Variants in DMD observed in about 807,000 individuals in gnomAD.
DMD encodes the protein mutant dystrophin.
DMD carries 63 observed loss-of-function variants against 330.1 expected under a neutral mutation model. The ratio of observed to expected loss-of-function variants is 0.19; its 90% confidence interval spans 0.16 to 0.24. DMD has a LOEUF of 0.24. Ranked by LOEUF, DMD falls within the 10% of genes least tolerant of loss-of-function variation. The pLI, the probability that DMD is intolerant of heterozygous loss-of-function variation, is 1.00. For synonymous variants in DMD, 1,223 were observed against 959.8 expected, an observed-to-expected ratio of 1.27 and a Z score of -5.07; for missense variants, 3,344 against 2,684.1, an observed-to-expected ratio of 1.25 and a Z score of -5.43.
At chrX:33,037,100 C>A (rs2094217037) in intron 1 of DMD, among the ~76,000 whole-genome samples, 1 of 111,435 alleles carries the variant, frequency 9.0e-6, no homozygotes, top group Non-Finnish European at 1.9e-5. Flanking sequence ...ACATTTTAAT[C>A]CTTAGAATAA....
intron 39 of DMD, 33 bp from the exon 40 acceptor site, chrX:32,343,319 A>G (rs2097753698): frequency 5.3e-6 from 6 of 1,130,196 alleles, no homozygotes; most frequent in Admixed American, 2.3e-5. Flanking sequence ...TAAAATATCA[A>G]TATATATGTA....
chrX:32,671,365 A>T (rs1203234114), intron 9 of DMD, among the ~76,000 whole-genome samples: 1 of 111,222 alleles, frequency 9.0e-6, no homozygotes, highest in East Asian at 2.8e-4. Context: ...ACATACACAC[A>T]CACACTCTGA....
At chrX:33,203,820 A>G (rs1481162884) in intron 1 of DMD, among the ~76,000 whole-genome samples, 2 of 110,740 alleles carry the variant, frequency 1.8e-5, no homozygotes, top group Non-Finnish European at 3.8e-5. Context: ...CACGCGCTAC[A>G]TAAAAATACA....
chrX:33,051,824 T>G (rs1331123902), intron 1 of DMD, among the ~76,000 whole-genome samples: 1 of 108,878 alleles, frequency 9.2e-6, no homozygotes, highest in Non-Finnish European at 1.9e-5. Context: ...AATTTTTGTA[T>G]TTTTAGTAGA....
intron 43 of DMD, among the ~76,000 whole-genome samples, chrX:32,226,800 G>A (rs2097149229): frequency 1.8e-5 from 2 of 110,583 alleles, no homozygotes; most frequent in Non-Finnish European, 1.9e-5. Flanking sequence ...TAGTATTATC[G>A]ATATTAATAC....
At chrX:32,715,605 C>A (rs1326299531) in intron 7 of DMD, among the ~76,000 whole-genome samples, 3 of 108,105 alleles carry the variant, frequency 2.8e-5, no homozygotes, top group Admixed American at 2.0e-4. Context: ...GAGTTTGAGA[C>A]CCTGGCCAAC....
At chrX:32,853,824 C>G (rs1427106446) in intron 2 of DMD, among the ~76,000 whole-genome samples, 1 of 103,188 alleles carries the variant, frequency 9.7e-6, no homozygotes, top group Non-Finnish European at 2.0e-5. Flanking sequence ...AAGACTCAAT[C>G]TGTTGCCTAC....
At chrX:31,361,382 C>T (rs2058928049) in intron 60 of DMD, among the ~76,000 whole-genome samples, 1 of 111,510 alleles carries the variant, frequency 9.0e-6, no homozygotes, top group African/African-American at 3.3e-5. Context: ...AAAGATGGGA[C>T]ATGAAAAATT....
intron 7 of DMD, among the ~76,000 whole-genome samples, chrX:32,735,962 C>A (rs886158434): frequency 9.0e-6 from 1 of 111,521 alleles, no homozygotes; most frequent in African/African-American, 3.3e-5. Flanking sequence ...AAGAAACTAC[C>A]ATCAGAGTGA....
At chrX:32,398,716 T>C (rs753434518) in intron 30 of DMD, among the ~76,000 whole-genome samples, 6 of 111,764 alleles carry the variant, frequency 5.4e-5, no homozygotes, top group Non-Finnish European at 1.1e-4. Context: ...ACAAAGACAT[T>C]CTTCACAGAA....
intron 44 of DMD, among the ~76,000 whole-genome samples, chrX:32,094,716 T>A (rs939218522): frequency 2.7e-5 from 3 of 111,825 alleles, no homozygotes; most frequent in African/African-American, 9.7e-5. Flanking sequence ...ATACTAAAAT[T>A]CATAGGCCTG....
chrX:32,931,317 T>A (rs147517193), intron 2 of DMD, among the ~76,000 whole-genome samples: 1 of 111,356 alleles, frequency 9.0e-6, no homozygotes, highest in Non-Finnish European at 1.9e-5. Context: ...ACAGAGAAAC[T>A]GTATTCTGTA....
At chrX:31,508,778 AG>A (rs1220819359) in intron 55 of DMD, among the ~76,000 whole-genome samples, 5 of 109,758 alleles carry the variant, frequency 4.6e-5, no homozygotes, top group African/African-American at 1.7e-4. Context: ...TAACTAGAAA[AG>A]TTTTTTTTTT....
At chrX:32,777,320 C>T (rs1289964448) in intron 7 of DMD, among the ~76,000 whole-genome samples, 3 of 76,229 alleles carry the variant, frequency 3.9e-5, no homozygotes, top group Admixed American at 1.8e-4. Context: ...TGGGAGGATG[C>T]AATTGAAATA....
chrX:32,889,493 T>C (rs1163511193), intron 2 of DMD, among the ~76,000 whole-genome samples: 3 of 110,384 alleles, frequency 2.7e-5, no homozygotes, highest in African/African-American at 3.3e-5. Flanking sequence ...AGCCATCATA[T>C]CCCCTGTGAC....
At chrX:31,811,898 A>G (rs963517201) in intron 50 of DMD, among the ~76,000 whole-genome samples, 1 of 111,614 alleles carries the variant, frequency 9.0e-6, no homozygotes, top group African/African-American at 3.3e-5. Context: ...TATTAATGAG[A>G]AGGATCAGGA....
chrX:32,673,738 T>C (rs2061781885), intron 9 of DMD, among the ~76,000 whole-genome samples: 1 of 112,123 alleles, frequency 8.9e-6, no homozygotes, highest in African/African-American at 3.2e-5. Flanking sequence ...ACTCAAAGAT[T>C]GGCTATGCCC....
intron 41 of DMD, among the ~76,000 whole-genome samples, chrX:32,318,942 A>G (rs1400617440): frequency 9.0e-6 from 1 of 111,012 alleles, no homozygotes; most frequent in African/African-American, 3.3e-5. Flanking sequence ...AGACCTGCTC[A>G]TTGACCTGCC....
chrX:32,404,304 C>G (rs2098104696), intron 30 of DMD, among the ~76,000 whole-genome samples: 1 of 111,538 alleles, frequency 9.0e-6, no homozygotes, highest in Non-Finnish European at 1.9e-5. Context: ...GAAGTCTGGT[C>G]TGTAGTGGAC....
Sources: gnomAD v4.1 joint callset for allele counts (sites outside exome capture counted in the v4.1 genomes callset) on GRCh38, gnomAD v4.1.1 for gene constraint, MANE v1.5 for transcripts, NCBI Gene and HGNC (gene_info 2026-07-23, HGNC 2026-07-21) for gene names.